The following ZNF239 variants were observed in gnomAD, a reference collection of about 807,000 sequenced individuals.
ZNF239 encodes the protein zinc finger protein 239, also known as zinc finger protein (C2H2) homologous to mouse MOK-2.
ZNF239 carries 16 observed loss-of-function variants against 27.5 expected under a neutral mutation model. That is an observed-to-expected ratio of 0.58 (90% CI 0.39 to 0.88). The LOEUF (loss-of-function observed/expected upper bound fraction) is 0.88. Among genes scored for constraint, ZNF239 ranks in the 40% least tolerant of loss-of-function variants. ZNF239 has a pLI of 0.00. For synonymous variants in ZNF239, 199 were observed against 192.6 expected, an observed-to-expected ratio of 1.03 and a Z score of -0.27; for missense variants, 527 against 551.9, an observed-to-expected ratio of 0.95 and a Z score of 0.45.
intron 3 of ZNF239, among the ~76,000 whole-genome samples, chr10:43,561,245 A>G (rs1837228822): frequency 6.6e-6 from 1 of 152,166 alleles, no homozygotes. Context: ...CCTAGAATTC[A>G]AGATTCAGGG....
At chr10:43,567,809 A>G in intron 3 of ZNF239, 90 bp downstream of exon 3, 1 of 720,542 alleles carries the variant, frequency 1.4e-6, no homozygotes, top group Non-Finnish European at 1.7e-6. Flanking sequence ...GCTGCTTAGA[A>G]TAGTCAGAAA....
chr10:43,570,568 T>G (rs1449855668), intron 2 of ZNF239: 2 of 985,154 alleles, frequency 2.0e-6, no homozygotes, highest in Non-Finnish European at 2.4e-6. Context: ...CTCCCTTATT[T>G]TTTTATCCGT....
At chr10:43,569,466 C>T (rs1339157071) in intron 2 of ZNF239, among the ~76,000 whole-genome samples, 1 of 152,180 alleles carries the variant, frequency 6.6e-6, no homozygotes, top group African/African-American at 2.4e-5. Context: ...TCTCCTGTCA[C>T]CTCCCCAACC....
intron 3 of ZNF239, chr10:43,564,363 T>C: frequency 1.3e-6 from 1 of 788,386 alleles, no homozygotes; most frequent in Non-Finnish European, 1.5e-6. Flanking sequence ...TAACTTGAGC[T>C]TGAAAAACGA....
In ZNF239 at chr10:43,559,587, C is replaced by G. The variant is rs1338566; in HGVS notation, c.-92-1416G>C. ...GTGGAACATTCTTGCAGTACTGGTC[C>G]GTAAGCTGTGAGATATATATAGGTC... On this transcript the variant is annotated intron_variant, in intron 3 of 3. Transcript: ENST00000374446. Among the ~76,000 whole-genome samples the G allele has an allele frequency of 2.6e-5, 4 of 152,184 alleles. No homozygotes were observed. The East Asian group carries it at 7.7e-4, about 29-fold the overall frequency.
intron 3 of ZNF239, among the ~76,000 whole-genome samples, chr10:43,567,513 G>GA (rs941544845): frequency 9.5e-4 from 145 of 152,292 alleles, no homozygotes; most frequent in African/African-American, 3.3e-3. Flanking sequence ...CAGACTGCAA[G>GA]ATACCAGATA....
At chr10:43,563,401 G>A (rs1286214558) in intron 3 of ZNF239, among the ~76,000 whole-genome samples, 2 of 152,140 alleles carry the variant, frequency 1.3e-5, no homozygotes, top group Non-Finnish European at 2.9e-5. Context: ...TCCTTTTATA[G>A]GGATTTAACA....
chr10:43,563,977 T>C (rs529482457), intron 3 of ZNF239, among the ~76,000 whole-genome samples: 1 of 152,082 alleles, frequency 6.6e-6, no homozygotes, highest in Non-Finnish European at 1.5e-5. Flanking sequence ...GTCATAAATC[T>C]ACTTTTTACC....
At position 43,558,173 on chromosome 10, in the gene ZNF239, T is replaced by C. The variant is rs1347299216; in HGVS notation, c.-92-2A>G. On this transcript the variant is annotated splice_acceptor_variant, in intron 3 of 3. Coordinates refer to ENST00000374446, the MANE Select transcript of ZNF239 (RefSeq NM_001099282.2). LOFTEE classifies it low-confidence loss of function (5UTR_SPLICE). ...CCACAGAATTTTCATTCAAGTCTCC[T>C]AGGGAACAAAGACAATTCAGTGGTA... The C allele has an allele frequency of 8.1e-6, 12 of 1,475,740 alleles. No homozygotes were observed. In the Admixed American group the frequency reaches 1.3e-4, roughly 16 times the overall value. 91.4% of individuals were successfully genotyped at this position (1,475,740 alleles called of 1,614,324 possible). A position where few individuals can be genotyped will look rare whatever the true frequency, so the allele number is the denominator to read the frequency against.
At chr10:43,568,547 C>T (rs1837835421) in intron 2 of ZNF239, 2 of 811,538 alleles carry the variant, frequency 2.5e-6, no homozygotes, top group Non-Finnish European at 3.0e-6. Context: ...TTCTGTTCTT[C>T]CTCTTCTAAA....
intron 3 of ZNF239, among the ~76,000 whole-genome samples, chr10:43,564,690 C>T (rs889893880): frequency 2.0e-5 from 3 of 151,876 alleles, no homozygotes; most frequent in Non-Finnish European, 4.4e-5. Flanking sequence ...CCACCAGGCC[C>T]GGCTAATTTT....
intron 2 of ZNF239, chr10:43,570,508 A>G (rs897866836): frequency 1.0e-6 from 1 of 984,870 alleles, no homozygotes; most frequent in African/African-American, 1.8e-5. Context: ...ATTCTAGATC[A>G]AATCCCTTCT....
chr10:43,567,619 T>TTA (rs1837769606), intron 3 of ZNF239, among the ~76,000 whole-genome samples: 1 of 152,224 alleles, frequency 6.6e-6, no homozygotes, highest in Admixed American at 6.5e-5. Flanking sequence ...TCACTTGCTA[T>TTA]TATATAATGA....
intron 2 of ZNF239, 21 bp downstream of exon 2, chr10:43,573,612 TAGGA>T: frequency 1.0e-6 from 1 of 985,344 alleles, no homozygotes; most frequent in Non-Finnish European, 1.2e-6. Flanking sequence ...GATGGCATTT[TAGGA>T]GAAATGGAAC....
rs770442305 is a variant in ZNF239, at chr10:43,556,673, G to A, written c.*30C>T. 11 of 1,598,982 alleles carry A rather than the reference G, an allele frequency of 6.9e-6. No homozygotes were observed. Among genetic ancestry groups the A allele is most frequent in the South Asian group, 3.4e-5 (3 of 89,338 alleles). On this transcript the variant is annotated 3_prime_UTR_variant, in exon 4 of 4. Coordinates refer to ENST00000374446, the MANE Select transcript of ZNF239 (RefSeq NM_001099282.2). ...ATTTAACAGTTTTTACAGTATGAGCGCTGTGAAGACCTGAATGGGCTAATG... is the reference window on the plus strand; with the variant it reads ...ATTTAACAGTTTTTACAGTATGAGCACTGTGAAGACCTGAATGGGCTAATG...
intron 2 of ZNF239, 59 bp from the exon 3 acceptor site, chr10:43,568,080 G>A (rs895456714): frequency 5.1e-6 from 5 of 985,696 alleles, no homozygotes; most frequent in Non-Finnish European, 6.0e-6. Context: ...TGCCCTGCAA[G>A]TGGGGTGAAG....
rs1301739074 is a variant in ZNF239, at chr10:43,558,319, T to C, written c.-92-148A>G. 14 of 683,196 alleles carry C rather than the reference T, an allele frequency of 2.0e-5. No individual in the cohort carries two copies. The East Asian group carries it at 3.5e-4, about 17-fold the overall frequency. 42.3% of individuals were successfully genotyped at this position (683,196 alleles called of 1,614,324 possible). A position where few individuals can be genotyped will look rare whatever the true frequency, so the allele number is the denominator to read the frequency against. ...GTCCTTTGGGTTAAGGTCAGGTACA[T>C]TTGTATCTGGGTACAAGACAGAAAT... On this transcript the variant is annotated intron_variant, in intron 3 of 3. Transcript: ENST00000374446.
intron 2 of ZNF239, among the ~76,000 whole-genome samples, chr10:43,573,086 T>C (rs1235523975): frequency 6.6e-6 from 1 of 152,222 alleles, no homozygotes; most frequent in Non-Finnish European, 1.5e-5. Context: ...CAGAGAGTTC[T>C]GATGCATAGC....
At chr10:43,574,049 G>A (rs1016559918) in intron 1 of ZNF239, among the ~76,000 whole-genome samples, 2 of 152,216 alleles carry the variant, frequency 1.3e-5, no homozygotes, top group African/African-American at 4.8e-5. Flanking sequence ...TCATTCTCAG[G>A]AGCCTGGCTC....
Sources: allele counts gnomAD v4.1 joint callset (sites outside exome capture counted in the v4.1 genomes callset), GRCh38; gene constraint gnomAD v4.1.1; transcripts MANE v1.5; gene names NCBI Gene and HGNC (gene_info 2026-07-23, HGNC 2026-07-21).